Variants in TRIM2 observed in about 807,000 individuals in gnomAD.
TRIM2 encodes tripartite motif-containing protein 2.
TRIM2 carries 20 observed loss-of-function variants against 75.2 expected under a neutral mutation model. That is an observed-to-expected ratio of 0.27 (90% CI 0.19 to 0.39). The LOEUF (loss-of-function observed/expected upper bound fraction) is 0.39. Among genes scored for constraint, TRIM2 ranks in the 10% least tolerant of loss-of-function variants. TRIM2 has a pLI of 1.00. For missense variants in TRIM2, 660 were observed against 990.8 expected (o/e 0.67, Z 4.48); for synonymous variants, 373 against 388.3 (o/e 0.96, Z 0.46).
intron 6 of TRIM2, among the ~76,000 whole-genome samples, chr4:153,303,815 A>G (rs1045464634): frequency 1.3e-5 from 2 of 152,214 alleles, no homozygotes; most frequent in East Asian, 3.8e-4. Context: ...TTTCTGGGCA[A>G]TACCTTTATA....
chr4:153,330,954 C>G (rs1771341254), intron 11 of TRIM2, among the ~76,000 whole-genome samples: 1 of 152,106 alleles, frequency 6.6e-6, no homozygotes, highest in Non-Finnish European at 1.5e-5. Context: ...CATAGAAAAT[C>G]CCAAAGAATC....
rs2149614100 is a variant in TRIM2, at chr4:153,337,290, C to T, written c.*2324C>T. On this transcript the variant is annotated 3_prime_UTR_variant, in exon 12 of 12. Transcript: ENST00000338700. Reference sequence around the variant, plus strand: ...TAAAGAGTTTTTTTGCACAACATTTCAATTATATTTGTGAACTTAGAAATT... The same window carrying T: ...TAAAGAGTTTTTTTGCACAACATTTTAATTATATTTGTGAACTTAGAAATT... 1 of 985,792 alleles carries T rather than the reference C, an allele frequency of 1.0e-6. No individual in the cohort carries two copies. Among genetic ancestry groups the T allele is most frequent in the East Asian group, 1.1e-4 (1 of 8,820 alleles). The allele number at this position is 985,792 out of a possible 1,614,324, so 61.1% of individuals were successfully genotyped here.
intron 1 of TRIM2, among the ~76,000 whole-genome samples, chr4:153,181,925 C>G (rs888306231): frequency 6.6e-6 from 1 of 152,178 alleles, no homozygotes; most frequent in Non-Finnish European, 1.5e-5. Context: ...GGCAATGGAA[C>G]ACTTTGCTTT....
intron 10 of TRIM2, among the ~76,000 whole-genome samples, chr4:153,327,049 A>T (rs1323441074): frequency 6.6e-6 from 1 of 152,166 alleles, no homozygotes; most frequent in Non-Finnish European, 1.5e-5. Context: ...AAGGGAAAAA[A>T]ATAGAGAATA....
chr4:153,184,170 A>C (rs74822402), intron 1 of TRIM2, among the ~76,000 whole-genome samples: 24 of 152,246 alleles, frequency 1.6e-4, no homozygotes, highest in African/African-American at 5.8e-4. Context: ...CCATAGCAAA[A>C]TACCATGGAC....
At position 153,336,126 on chromosome 4, in the gene TRIM2, A is replaced by G. The variant is rs570360942; in HGVS notation, c.*1160A>G. 1 of 973,212 alleles carries G rather than the reference A, an allele frequency of 1.0e-6. No homozygotes were observed. Among genetic ancestry groups the G allele is most frequent in the Non-Finnish European group, 1.2e-6 (1 of 819,014 alleles). 60.3% of individuals were successfully genotyped at this position (973,212 alleles called of 1,614,324 possible). The stretch of plus-strand genomic sequence containing the variant: ...GTAAGATAGAATGTATTATATATAT[A>G]TATATATACACACACACATATATAT... On this transcript the variant is annotated 3_prime_UTR_variant, in exon 12 of 12. Coordinates refer to ENST00000338700, the MANE Select transcript of TRIM2 (RefSeq NM_015271.5).
At chr4:153,304,695 C>T (rs1041857012) in intron 6 of TRIM2, among the ~76,000 whole-genome samples, 2 of 152,078 alleles carry the variant, frequency 1.3e-5, no homozygotes, top group African/African-American at 2.4e-5. Flanking sequence ...CACGAGAATG[C>T]CTTGAGGTGC....
intron 1 of TRIM2, among the ~76,000 whole-genome samples, chr4:153,157,706 G>A (rs1334084277): frequency 6.6e-6 from 1 of 152,166 alleles, no homozygotes; most frequent in African/African-American, 2.4e-5. Flanking sequence ...AGCTAGACCA[G>A]ATCCTGAGGA....
chr4:153,201,375 C>T (rs1734352027), upstream of TRIM2, among the ~76,000 whole-genome samples: 1 of 152,052 alleles, frequency 6.6e-6, no homozygotes, highest in African/African-American at 2.4e-5. Context: ...AAGACCTTTG[C>T]CCATCTTTAG....
intron 6 of TRIM2, among the ~76,000 whole-genome samples, chr4:153,312,005 C>T (rs954135466): frequency 6.6e-6 from 1 of 151,298 alleles, no homozygotes; most frequent in African/African-American, 2.4e-5. Flanking sequence ...TGCTGGTGCG[C>T]TGCACCCACT....
At chr4:153,303,958 T>A (rs1442805318) in intron 6 of TRIM2, among the ~76,000 whole-genome samples, 1 of 152,190 alleles carries the variant, frequency 6.6e-6, no homozygotes, top group East Asian at 1.9e-4. Flanking sequence ...ATGCTTACTC[T>A]GATCTAGAGG....
chr4:153,308,509 G>A, intron 6 of TRIM2: 1 of 758,952 alleles, frequency 1.3e-6, no homozygotes, highest in East Asian at 2.8e-5. Context: ...CTTAAGTGCT[G>A]ATACAAGTTC....
intron 1 of TRIM2, among the ~76,000 whole-genome samples, chr4:153,269,746 C>A (rs888596607): frequency 6.6e-6 from 1 of 152,068 alleles, no homozygotes; most frequent in African/African-American, 2.4e-5. Flanking sequence ...GCGAGCATAC[C>A]TCTTTGTACA....
rs142179342 is a variant in TRIM2 at position 153,322,768 on chromosome 4, A to C, written c.1903A>C (p.Ile635Leu). The change falls in exon 9 of 12, where the codon ATA becomes CTA. Residue 635 changes from isoleucine (I) to leucine (L), a missense_variant. Transcript: ENST00000338700. ...CVFIFQPNGK[I>L]VTRFGSRGNG... ...GTTTATCTTCCAGCCAAACGGGAAA[A>C]TAGTCACCAGGTTTGGTAGCCGAGG... 3 of 1,614,114 alleles carry C rather than the reference A, an allele frequency of 1.9e-6. No homozygotes were observed. Among genetic ancestry groups the C allele is most frequent in the Non-Finnish European group, 2.5e-6 (3 of 1,180,050 alleles).
In TRIM2 at chr4:153,337,502, C is replaced by G. The variant is rs1465601079; in HGVS notation, c.*2536C>G. ...CATGCTATGAGCACTCCAGGAAACA[C>G]TATATTTTTTCCAAAAAATATGTGA... On this transcript the variant is annotated 3_prime_UTR_variant, in exon 12 of 12. Coordinates refer to ENST00000338700, the MANE Select transcript of TRIM2 (RefSeq NM_015271.5). 1.0e-6 allele frequency: 1 copy of G among 985,668 alleles called. No homozygotes were observed. Among genetic ancestry groups the G allele is most frequent in the African/African-American group, 1.7e-5 (1 of 57,222 alleles). 61.1% of individuals were successfully genotyped at this position (985,668 alleles called of 1,614,324 possible).
At chr4:153,202,359 A>G (rs567872578), upstream of TRIM2, among the ~76,000 whole-genome samples, 18 of 152,298 alleles carry the variant, frequency 1.2e-4, no homozygotes, top group African/African-American at 3.6e-4. Flanking sequence ...ACAATCAACC[A>G]AACAACTCTT....
rs746604348 is a variant in TRIM2 at position 153,295,406 on chromosome 4, G to C, written c.880G>C (p.Glu294Gln). ...FTAQALNHGT[E>Q]TEVLLVKKQM... ...AGCGCAGGCCCTCAACCATGGCACG[G>C]AGACCGAGGTCCTACTGGTGAAGAA... Residue 294 changes from glutamate to glutamine, a missense_variant, in exon 6 of 12, where the codon GAG (glutamate) becomes CAG (glutamine). Physicochemically the swap from Glu to Gln is conservative, Grantham distance 29. Coordinates refer to ENST00000338700, the MANE Select transcript of TRIM2 (RefSeq NM_015271.5). This position sits in a 1 kb window ranked among gnomAD's most constrained non-coding sequence, Gnocchi z 7.2. 6.2e-7 allele frequency: 1 copy of C among 1,614,160 alleles called. No individual in the cohort carries two copies. The highest frequency in any genetic ancestry group is 8.5e-7 in the Non-Finnish European group (1 of 1,180,006).
chr4:153,200,520 C>A (rs1235439242), upstream of TRIM2, among the ~76,000 whole-genome samples: 1 of 151,826 alleles, frequency 6.6e-6, no homozygotes, highest in African/African-American at 2.4e-5. Flanking sequence ...TTGTTTGAGC[C>A]CCCGTTTTCA....
intron 1 of TRIM2, among the ~76,000 whole-genome samples, chr4:153,249,289 G>A (rs995577582): frequency 1.3e-5 from 2 of 152,242 alleles, no homozygotes; most frequent in Admixed American, 6.5e-5. Flanking sequence ...AGCGCAGCTC[G>A]GCTCCCGCCT....
Sources: allele counts gnomAD v4.1 joint callset (sites outside exome capture counted in the v4.1 genomes callset), GRCh38; gene constraint gnomAD v4.1.1; non-coding constraint Gnocchi (gnomAD v3.1); transcripts MANE v1.5; gene names NCBI Gene and HGNC (gene_info 2026-07-23, HGNC 2026-07-21).